Variants in INSC observed in about 807,000 individuals in gnomAD.
INSC encodes the protein protein inscuteable homolog.
INSC carries 67 observed loss-of-function variants against 58.6 expected under a neutral mutation model. That is an observed-to-expected ratio of 1.14 (90% CI 0.94 to 1.40). The LOEUF is 1.40. Among genes scored for constraint, INSC ranks in the 40% most tolerant of loss-of-function variants. The probability of loss-of-function intolerance (pLI) is 0.00; values close to 1 mark genes in which losing one functional copy is unlikely to be tolerated. For missense variants in INSC, 714 were observed against 692.0 expected, an observed-to-expected ratio of 1.03 and a Z score of -0.36; for synonymous variants, 262 against 276.1, an observed-to-expected ratio of 0.95 and a Z score of 0.51.
intron 2 of INSC, among the ~76,000 whole-genome samples, chr11:15,157,427 G>A (rs1180750275): frequency 6.6e-6 from 1 of 152,216 alleles, no homozygotes; most frequent in Non-Finnish European, 1.5e-5. Context: ...GTTCGTACTT[G>A]CAAAGGAAGG....
chr11:15,227,063 G>A (rs1429655514), intron 9 of INSC, among the ~76,000 whole-genome samples: 2 of 152,170 alleles, frequency 1.3e-5, no homozygotes. Context: ...TGTGACACTG[G>A]TGATATTTGC....
intron 2 of INSC, among the ~76,000 whole-genome samples, chr11:15,152,801 A>C (rs1356797009): frequency 6.6e-6 from 1 of 152,216 alleles, no homozygotes; most frequent in African/African-American, 2.4e-5. Context: ...CAGCTGGGAC[A>C]ATAAATCCTG....
At chr11:15,209,574 G>A (rs979441459) in intron 7 of INSC, among the ~76,000 whole-genome samples, 6 of 152,020 alleles carry the variant, frequency 3.9e-5, no homozygotes, top group African/African-American at 1.2e-4. Context: ...CACACTGCCT[G>A]ACCTCAAACC....
Position 15,184,474 on chromosome 11 carries a change from C to T in INSC, c.579+6027C>T, listed in dbSNP as rs1714363. On this transcript the variant is annotated intron_variant, in intron 5 of 12. Transcript: ENST00000379556. The stretch of plus-strand genomic sequence containing the variant: ...GCAGTGGTGCAATCTCGGCTCAATG[C>T]AACCTCCGCCTCCTGGGTTCAAGTG... 0.22 allele frequency: 35,535 copies of T among 164,106 alleles called. 4,153 individuals are homozygous for T. The highest frequency in any genetic ancestry group is 0.28 in the South Asian group (2,286 of 8,032). 10.2% of individuals were successfully genotyped at this position (164,106 alleles called of 1,614,324 possible). A position where few individuals can be genotyped will look rare whatever the true frequency, so the allele number is the denominator to read the frequency against.
intron 9 of INSC, among the ~76,000 whole-genome samples, chr11:15,226,993 T>C (rs962444771): frequency 5.9e-5 from 9 of 152,108 alleles, no homozygotes; most frequent in African/African-American, 2.4e-5. Context: ...CCGTAGAAGC[T>C]CCTATTCGGA....
intron 1 of INSC, among the ~76,000 whole-genome samples, chr11:15,143,976 A>G (rs555738905): frequency 1.3e-5 from 2 of 152,330 alleles, no homozygotes; most frequent in South Asian, 4.1e-4. Context: ...GGCCTCAGAA[A>G]GAAATCTCCT....
chr11:15,187,845 C>T (rs1792574), intron 5 of INSC, among the ~76,000 whole-genome samples: 32,242 of 151,906 alleles, frequency 0.21, 3,729 homozygotes, highest in South Asian at 0.29. Context: ...ATTTTTGAAA[C>T]GTCTCCAATG....
At chr11:15,263,127 C>G in the INSC span, among the ~76,000 whole-genome samples, 2 of 152,064 alleles carry the variant, frequency 1.3e-5, no homozygotes, top group Non-Finnish European at 2.9e-5. Flanking sequence ...AGCAGCTAAA[C>G]AGTGAACTGA....
At chr11:15,168,488 C>T (rs1262305151) in intron 2 of INSC, among the ~76,000 whole-genome samples, 2 of 152,086 alleles carry the variant, frequency 1.3e-5, no homozygotes, top group Non-Finnish European at 2.9e-5. Flanking sequence ...CAATAAATTC[C>T]AGTCATTATT....
chr11:15,133,425 T>G (rs1381532250), intron 1 of INSC, among the ~76,000 whole-genome samples: 1 of 152,234 alleles, frequency 6.6e-6, no homozygotes, highest in Non-Finnish European at 1.5e-5. Context: ...TTCTTTAAAT[T>G]CTCTAATCAA....
intron 7 of INSC, among the ~76,000 whole-genome samples, chr11:15,215,639 G>T (rs1397225175): frequency 2.0e-5 from 3 of 152,222 alleles, no homozygotes; most frequent in Non-Finnish European, 2.9e-5. Context: ...TCAGTAAACT[G>T]CTGTGTGTTA....
At chr11:15,188,290 CTG>C (rs1850046421) in intron 5 of INSC, 2 of 985,478 alleles carry the variant, frequency 2.0e-6, no homozygotes, top group African/African-American at 3.5e-5. Context: ...GCTAATGAGG[CTG>C]GACAACAGCC....
chr11:15,118,370 G>A (rs1847786979), intron 1 of INSC, among the ~76,000 whole-genome samples: 1 of 152,176 alleles, frequency 6.6e-6, no homozygotes, highest in Admixed American at 6.5e-5. Flanking sequence ...TGCTGCCCAA[G>A]ACCACTCATG....
chr11:15,247,953 G>T (rs371126803), downstream of INSC, among the ~76,000 whole-genome samples: 1 of 152,028 alleles, frequency 6.6e-6, no homozygotes, highest in African/African-American at 2.4e-5. Context: ...GACTCGCTTT[G>T]TTCATTTTTG....
At chr11:15,266,144 C>G in the INSC span, among the ~76,000 whole-genome samples, 1 of 151,460 alleles carries the variant, frequency 6.6e-6, no homozygotes, top group Non-Finnish European at 1.5e-5. Flanking sequence ...GTAATCTAAC[C>G]AAGAGTTAGT....
chr11:15,144,346 G>T (rs1379856235), intron 1 of INSC, among the ~76,000 whole-genome samples: 1 of 152,160 alleles, frequency 6.6e-6, no homozygotes, highest in Non-Finnish European at 1.5e-5. Flanking sequence ...ACTGGAAAAG[G>T]CCTGATTTCT....
intron 11 of INSC, 24 bp downstream of exon 11, chr11:15,239,098 G>T (rs1375027151): frequency 6.2e-7 from 1 of 1,600,142 alleles, no homozygotes; most frequent in Non-Finnish European, 8.5e-7. Flanking sequence ...TCTGGCTGTG[G>T]CTGGAGTGGA....
chr11:15,216,092 G>T (rs2133918224), intron 7 of INSC, among the ~76,000 whole-genome samples: 1 of 152,304 alleles, frequency 6.6e-6, no homozygotes, highest in South Asian at 2.1e-4. Flanking sequence ...TTGGGTTTGG[G>T]TGCCTTTGTC....
At chr11:15,213,634 C>G (rs1308234093) in intron 7 of INSC, among the ~76,000 whole-genome samples, 1 of 152,192 alleles carries the variant, frequency 6.6e-6, no homozygotes, top group Non-Finnish European at 1.5e-5. Flanking sequence ...GTTACTCAAT[C>G]CATAATTGCT....
Sources: gnomAD v4.1 joint callset for allele counts (sites outside exome capture counted in the v4.1 genomes callset) on GRCh38, gnomAD v4.1.1 for gene constraint, MANE v1.5 for transcripts, NCBI Gene and HGNC (gene_info 2026-07-23, HGNC 2026-07-21) for gene names.